The following ATP8A2 variants were observed in gnomAD, a reference collection of about 807,000 sequenced individuals.
ATP8A2 encodes ATPase phospholipid transporting 8A2.
ATP8A2 carries 100 observed loss-of-function variants against 165.6 expected under a neutral mutation model. That is an observed-to-expected ratio of 0.60 (90% CI 0.51 to 0.71). ATP8A2 has a LOEUF of 0.71. Among genes scored for constraint, ATP8A2 ranks in the 30% least tolerant of loss-of-function variants. ATP8A2 has a pLI of 0.00. For missense variants in ATP8A2, 1,227 were observed against 1,479.5 expected (o/e 0.83, Z 2.80); for synonymous variants, 543 against 548.8 (o/e 0.99, Z 0.15).
At chr13:25,576,917 T>G in intron 19 of ATP8A2, 152 bp from the exon 20 acceptor site, 1 of 655,296 alleles carries the variant, frequency 1.5e-6, no homozygotes, top group Non-Finnish European at 2.7e-6. Flanking sequence ...AGATACACAG[T>G]TAGGTCCTAC....
chr13:25,447,027 C>A (rs2035088646), intron 1 of ATP8A2, among the ~76,000 whole-genome samples: 1 of 152,088 alleles, frequency 6.6e-6, no homozygotes, highest in African/African-American at 2.4e-5. Context: ...GGCCTTAAAC[C>A]TAGTTCTAAA....
At chr13:25,849,450 C>T (rs892946264) in intron 30 of ATP8A2, among the ~76,000 whole-genome samples, 4 of 152,130 alleles carry the variant, frequency 2.6e-5, no homozygotes, top group Admixed American at 2.0e-4. Context: ...ATTGAAATGG[C>T]ATCTTTATAA....
chr13:25,422,163 C>T (rs1490717509), intron 1 of ATP8A2, among the ~76,000 whole-genome samples: 1 of 151,990 alleles, frequency 6.6e-6, no homozygotes, highest in African/African-American at 2.4e-5. Flanking sequence ...TTTAAACAGA[C>T]AAAAACACTT....
intron 33 of ATP8A2, among the ~76,000 whole-genome samples, chr13:25,888,419 C>T (rs1221328727): frequency 2.0e-5 from 3 of 152,072 alleles, no homozygotes; most frequent in South Asian, 4.2e-4. Flanking sequence ...TTTTCTTCTG[C>T]GTCAAGTTCA....
chr13:25,498,078 G>A (rs537481379), intron 2 of ATP8A2, among the ~76,000 whole-genome samples: 169 of 152,236 alleles, frequency 1.1e-3, no homozygotes, highest in African/African-American at 3.6e-3. Flanking sequence ...GTGGACACAC[G>A]TGCTCCGGAT....
chr13:25,975,292 G>C (rs111723525), intron 35 of ATP8A2, among the ~76,000 whole-genome samples: 28 of 152,052 alleles, frequency 1.8e-4, no homozygotes, highest in Non-Finnish European at 3.4e-4. Flanking sequence ...TTTTATTTTC[G>C]ACCGGTTGCG....
At chr13:25,440,184 C>A (rs1279774860) in intron 1 of ATP8A2, among the ~76,000 whole-genome samples, 2 of 151,968 alleles carry the variant, frequency 1.3e-5, no homozygotes, top group Non-Finnish European at 2.9e-5. Flanking sequence ...GGTGGTTCTC[C>A]CCAGTAATTT....
intron 25 of ATP8A2, among the ~76,000 whole-genome samples, chr13:25,766,611 C>T (rs561060515): frequency 6.6e-6 from 1 of 152,278 alleles, no homozygotes; most frequent in African/African-American, 2.4e-5. Flanking sequence ...AACGACATAT[C>T]ATGAAAAGGG....
At chr13:25,532,244 T>C in intron 4 of ATP8A2, 28 bp from the exon 5 acceptor site, 1 of 1,590,276 alleles carries the variant, frequency 6.3e-7, no homozygotes, top group Non-Finnish European at 8.6e-7. Flanking sequence ...TTTTGAATGT[T>C]AAACTATTTT....
In ATP8A2 at chr13:25,801,336, A is replaced by G. The variant is rs570912813; in HGVS notation, c.2679+26377A>G. ...GAGTTAGTGCTCTGACCTGAGGAAA[A>G]TTCCCCATGTTTCTCAGTGTCAAGC... On this transcript the variant is annotated intron_variant, in intron 27 of 36. Coordinates refer to ENST00000381655, the MANE Select transcript of ATP8A2 (RefSeq NM_016529.6). 4.6e-5 allele frequency among the ~76,000 whole-genome samples: 7 copies of G among 152,186 alleles called. No individual in the cohort carries two copies. The South Asian group carries it at 1.5e-3, about 32-fold the overall frequency.
chr13:25,913,754 G>T (rs771567051), intron 33 of ATP8A2, among the ~76,000 whole-genome samples: 8 of 152,162 alleles, frequency 5.3e-5, no homozygotes, highest in Non-Finnish European at 1.0e-4. Flanking sequence ...TTTTTGAAGT[G>T]ATTTGAGTTA....
intron 24 of ATP8A2, among the ~76,000 whole-genome samples, chr13:25,603,791 G>GGAAGAC (rs2040448959): frequency 6.6e-6 from 1 of 152,152 alleles, no homozygotes. Flanking sequence ...TCTGAGAAGA[G>GGAAGAC]GAAGACCATA....
intron 24 of ATP8A2, among the ~76,000 whole-genome samples, chr13:25,698,828 T>C (rs1238994592): frequency 6.6e-6 from 1 of 152,190 alleles, no homozygotes; most frequent in Non-Finnish European, 1.5e-5. Context: ...GAAATGTTAG[T>C]GTTTGCCATT....
intron 26 of ATP8A2, among the ~76,000 whole-genome samples, chr13:25,770,101 G>A (rs1056524210): frequency 1.3e-5 from 2 of 152,114 alleles, no homozygotes; most frequent in South Asian, 2.1e-4. Flanking sequence ...ATTTCTGGGC[G>A]TAAGCTGAAC....
chr13:25,930,030 G>T (rs547862064), intron 33 of ATP8A2, among the ~76,000 whole-genome samples: 2 of 152,066 alleles, frequency 1.3e-5, no homozygotes, highest in African/African-American at 4.8e-5. Context: ...GCTGCCCCAC[G>T]TGCCTTTGCT....
chr13:25,498,060 C>T (rs536796599), intron 2 of ATP8A2, among the ~76,000 whole-genome samples: 1 of 152,048 alleles, frequency 6.6e-6, no homozygotes, highest in Admixed American at 6.5e-5. Flanking sequence ...TGCTGTATAC[C>T]CATACATGTG....
intron 29 of ATP8A2, among the ~76,000 whole-genome samples, chr13:25,839,316 G>A (rs1357078516): frequency 6.6e-6 from 1 of 151,906 alleles, no homozygotes; most frequent in Admixed American, 6.6e-5. Context: ...AGATATTTAG[G>A]TCTTTGTAAC....
chr13:25,779,933 C>T (rs1260050021), intron 27 of ATP8A2, among the ~76,000 whole-genome samples: 1 of 152,196 alleles, frequency 6.6e-6, no homozygotes, highest in Non-Finnish European at 1.5e-5. Context: ...AGCTCCTACA[C>T]TATTTAACAA....
intron 1 of ATP8A2, among the ~76,000 whole-genome samples, chr13:25,381,195 T>G (rs2137924959): frequency 6.6e-6 from 1 of 152,328 alleles, no homozygotes; most frequent in African/African-American, 2.4e-5. Flanking sequence ...ATGATAAATC[T>G]TAGTGTCCTA....
Sources: allele counts gnomAD v4.1 joint callset (sites outside exome capture counted in the v4.1 genomes callset), GRCh38; gene constraint gnomAD v4.1.1; transcripts MANE v1.5; gene names NCBI Gene and HGNC (gene_info 2026-07-23, HGNC 2026-07-21).